The following VPS13A variants were observed in gnomAD, a reference collection of about 807,000 sequenced individuals.
The protein encoded by VPS13A is vacuolar protein sorting 13 homolog A, also known as intermembrane lipid transfer protein VPS13A.
In VPS13A, 264 loss-of-function variants were observed where a neutral mutation model predicts 390.9. The ratio of observed to expected loss-of-function variants is 0.68; its 90% CI spans 0.61 to 0.75. VPS13A has a LOEUF of 0.75. Ranked by LOEUF, VPS13A falls within the 30% of genes least tolerant of loss-of-function variation. VPS13A has a pLI of 0.00. For missense variants in VPS13A, 3,409 were observed against 3,733.9 expected (o/e 0.91, Z 2.27); for synonymous variants, 1,231 against 1,227.1 (o/e 1.00, Z -0.07).
intron 22 of VPS13A, 72 bp downstream of exon 22, chr9:77,252,424 A>T (rs1330546833): frequency 8.4e-7 from 1 of 1,192,536 alleles, no homozygotes; most frequent in Admixed American, 1.7e-5. Flanking sequence ...ACCATACTTA[A>T]CTGACTCTTC....
In VPS13A at chr9:77,344,896, A is replaced by G. The variant is rs1297299423; in HGVS notation, c.7156-113A>G. ...GTACAAAATTCTGAATTGTTTTCTC[A>G]GTCATCCCAAAAATTAAATTATCAA... On this transcript the variant is annotated intron_variant, in intron 51 of 71. Transcript: ENST00000360280. 4.2e-6 allele frequency: 5 copies of G among 1,195,898 alleles called. No individual in the cohort carries two copies. The Admixed American group carries it at 5.7e-5, about 14-fold the overall frequency. 74.1% of individuals were successfully genotyped at this position (1,195,898 alleles called of 1,614,324 possible).
chr9:77,314,622 T>C lies in VPS13A; in HGVS notation c.4370T>C (p.Ile1457Thr). ...TFSSFSLKNC[I>T]LDDKRPHVKK... is the part of the protein sequence containing the mutation. ...TCTTCCTTCTCATTAAAAAACTGTA[T>C]TTTAGATGATAAAAGACCTCATGTC... Residue 1457 changes from isoleucine (I) to threonine (T), a missense_variant, in exon 37 of 72, where the codon ATT becomes ACT. Ile to Thr is a moderately conservative substitution (Grantham distance 89). Around this residue, in one of 5 missense-constraint regions of VPS13A, gnomAD observed 2,717 missense variants for 2,917.4 expected, o/e 0.93. Transcript: ENST00000360280. 6.2e-7 allele frequency: 1 copy of C among 1,612,498 alleles called. No homozygotes were observed. The highest frequency in any genetic ancestry group is 2.2e-5 in the East Asian group (1 of 44,746).
At chr9:77,246,271 T>C (rs1335738108) in intron 19 of VPS13A, among the ~76,000 whole-genome samples, 1 of 152,204 alleles carries the variant, frequency 6.6e-6, no homozygotes, top group Non-Finnish European at 1.5e-5. Context: ...TTGGCTTGTA[T>C]ATCAAGCTGA....
intron 13 of VPS13A, among the ~76,000 whole-genome samples, chr9:77,223,138 T>C (rs992606083): frequency 6.6e-6 from 1 of 152,204 alleles, no homozygotes; most frequent in Non-Finnish European, 1.5e-5. Flanking sequence ...TAATTAAATC[T>C]TTTAAATGTA....
chr9:77,344,715 C>T (rs1278512618), intron 51 of VPS13A, among the ~76,000 whole-genome samples: 4 of 151,192 alleles, frequency 2.6e-5, no homozygotes, highest in South Asian at 2.1e-4. Context: ...GCCGAGATCG[C>T]GCCACTGCAC....
At chr9:77,367,611 T>C (rs527657425) in intron 61 of VPS13A, among the ~76,000 whole-genome samples, 1 of 152,192 alleles carries the variant, frequency 6.6e-6, no homozygotes, top group Non-Finnish European at 1.5e-5. Flanking sequence ...AAGCTAATCT[T>C]AGTATATATT....
intron 60 of VPS13A, among the ~76,000 whole-genome samples, 169 bp from the exon 61 acceptor site, chr9:77,366,558 T>C (rs1229817068): frequency 6.6e-6 from 1 of 152,130 alleles, no homozygotes; most frequent in Non-Finnish European, 1.5e-5. Context: ...TAGAGCTATG[T>C]TAGATTTTAA....
At chr9:77,266,252 G>C (rs941974658) in intron 23 of VPS13A, among the ~76,000 whole-genome samples, 1 of 152,210 alleles carries the variant, frequency 6.6e-6, no homozygotes, top group Non-Finnish European at 1.5e-5. Flanking sequence ...GTGGTTCTGA[G>C]AAGAATGTAT....
chr9:77,280,931 A>G (rs1826984220), intron 27 of VPS13A, among the ~76,000 whole-genome samples: 2 of 152,162 alleles, frequency 1.3e-5, no homozygotes, highest in African/African-American at 2.4e-5. Context: ...TATATACAAA[A>G]TGAAACACTA....
intron 71 of VPS13A, among the ~76,000 whole-genome samples, chr9:77,409,891 A>ACTT: frequency 6.6e-6 from 1 of 151,466 alleles, no homozygotes; most frequent in East Asian, 2.0e-4. Context: ...ATCCAGGAGA[A>ACTT]CTTCCCCAAT....
Position 77,201,602 on chromosome 9 carries a change from T to C in VPS13A, c.187+195T>C, listed in dbSNP as rs142737744. 7.6e-3 allele frequency among the ~76,000 whole-genome samples: 1,159 copies of C among 152,318 alleles called. 40 individuals are homozygous for C. The highest frequency in any genetic ancestry group is 0.062 in the Admixed American group (946 of 15,298). On this transcript the variant is annotated intron_variant, in intron 3 of 71. Coordinates refer to ENST00000360280, the MANE Select transcript of VPS13A (RefSeq NM_033305.3). ...ATACATATATCCCTTGCCTAGTATT[T>C]GATATCCTAATACATTACATATCTC...
At chr9:77,373,844 C>T (rs1587683964) in intron 67 of VPS13A, among the ~76,000 whole-genome samples, 1 of 152,056 alleles carries the variant, frequency 6.6e-6, no homozygotes, top group African/African-American at 2.4e-5. Context: ...ACAGACACTT[C>T]TCAAAAGAAG....
chr9:77,220,934 A>G (rs781455613), intron 12 of VPS13A, among the ~76,000 whole-genome samples: 74 of 152,226 alleles, frequency 4.9e-4, no homozygotes, highest in Non-Finnish European at 9.1e-4. Context: ...TAATGCCTTA[A>G]CAGTTCTTGT....
At chr9:77,299,394 G>A (rs1345514384) in intron 33 of VPS13A, among the ~76,000 whole-genome samples, 1 of 152,128 alleles carries the variant, frequency 6.6e-6, no homozygotes, top group Non-Finnish European at 1.5e-5. Context: ...ACACCAGTTA[G>A]AATGGCAATC....
intron 34 of VPS13A, among the ~76,000 whole-genome samples, chr9:77,306,263 G>C (rs1008917642): frequency 6.6e-6 from 1 of 152,134 alleles, no homozygotes; most frequent in Non-Finnish European, 1.5e-5. Context: ...AATATTGTGG[G>C]ATTCAAATTA....
chr9:77,182,491 A>T (rs1824083223), intron 1 of VPS13A, among the ~76,000 whole-genome samples: 1 of 152,220 alleles, frequency 6.6e-6, no homozygotes, highest in Non-Finnish European at 1.5e-5. Context: ...TAAATTATTT[A>T]TCTGGAGTAG....
rs977063315 is a variant in VPS13A, at chr9:77,377,408, A to G, written c.9078-4568A>G. Among the ~76,000 whole-genome samples, 6 of 151,500 alleles carry G rather than the reference A, an allele frequency of 4.0e-5. 1 individual carries two copies. The highest frequency in any genetic ancestry group is 8.8e-5 in the Non-Finnish European group (6 of 67,832). On this transcript the variant is annotated intron_variant, in intron 67 of 71. Transcript: ENST00000360280. Reference sequence around the variant, plus strand: ...CTAATTTTTTGTATTTTTAGTAGAGACGGGGTTTCACCTTGTTAGCCAGGA... The same window carrying G: ...CTAATTTTTTGTATTTTTAGTAGAGGCGGGGTTTCACCTTGTTAGCCAGGA...
In VPS13A at chr9:77,250,147, C is replaced by T; in HGVS notation, c.2088C>T (p.Ala696=). The T allele has an allele frequency of 6.2e-7, 1 of 1,613,820 alleles. No homozygotes were observed. The highest frequency in any genetic ancestry group is 8.5e-7 in the Non-Finnish European group (1 of 1,179,896). ...TACCAGATGTGAAACAAGGTGAGGC[C>T]AATCTTAAAGAGATAATGGATAGAG... ...SELPDVKQGE[A]NLKEIMDRAY... The change falls in exon 21 of 72, where the codon GCC becomes GCT. Residue 696 remains alanine, a synonymous_variant. Transcript: ENST00000360280.
At chr9:77,386,544 T>A (rs1035576281) in intron 68 of VPS13A, among the ~76,000 whole-genome samples, 5 of 152,048 alleles carry the variant, frequency 3.3e-5, no homozygotes, top group Non-Finnish European at 5.9e-5. Flanking sequence ...ACCATTTTCA[T>A]GAAAAGAAAA....
Sources: allele counts gnomAD v4.1 joint callset (sites outside exome capture counted in the v4.1 genomes callset), GRCh38; gene constraint gnomAD v4.1.1; regional missense constraint gnomAD v4.1.1; transcripts MANE v1.5; gene names NCBI Gene and HGNC (gene_info 2026-07-23, HGNC 2026-07-21).